COL11A2: variants seen among roughly 807,000 people sequenced by gnomAD.
COL11A2 encodes collagen alpha-2(XI) chain.
Under a neutral mutation model 273.4 loss-of-function variants are expected in COL11A2, and 116 were observed. The observed-to-expected ratio is 0.42, with a 90% CI of 0.36 to 0.49. COL11A2 has a LOEUF of 0.49. Ranked by LOEUF, COL11A2 falls within the 20% of genes least tolerant of loss-of-function variation. The pLI is 0.00. For synonymous variants in COL11A2, 782 were observed against 864.2 expected (o/e 0.90, Z 1.67); for missense variants, 1,866 against 2,309.0 (o/e 0.81, Z 3.93).
chr6:33,172,772 C>T (rs913970547), intron 38 of COL11A2, 135 bp from the exon 39 acceptor site: 24 of 858,748 alleles, frequency 2.8e-5, no homozygotes, highest in Admixed American at 6.1e-5. Context: ...GGAAATTCCC[C>T]GGCATTCCTG....
rs201981435 is a variant in COL11A2, at chr6:33,180,965, G to T, written c.1220C>A (p.Ala407Glu). ...VEGPPGPEGP[A>E]GLIGPPGIQG... ...CCACCAGGTCACTGCTAGACTTACC[G>T]CAGGGCCTTCTGGGCCAGGGGGCCC... The change falls in exon 10 of 66, where the codon GCG becomes GAG. Residue 407 changes from alanine (A) to glutamate (E), a missense_variant and splice_region_variant. Physicochemically the swap from Ala to Glu is moderately radical, Grantham distance 107. Coordinates refer to ENST00000341947, the MANE Select transcript of COL11A2 (RefSeq NM_080680.3). 2 of 1,613,966 alleles carry T rather than the reference G, an allele frequency of 1.2e-6. No individual in the cohort carries two copies. The highest frequency in any genetic ancestry group is 8.5e-7 in the Non-Finnish European group (1 of 1,179,940).
At chr6:33,183,307 A>G (rs1771958079) in intron 8 of COL11A2, among the ~76,000 whole-genome samples, 1 of 152,196 alleles carries the variant, frequency 6.6e-6, no homozygotes, top group Non-Finnish European at 1.5e-5. Context: ...GACAGGAAGC[A>G]GTGAAGGAAA....
intron 29 of COL11A2, 125 bp downstream of exon 29, chr6:33,175,891 C>G: frequency 7.7e-7 from 1 of 1,297,472 alleles, no homozygotes; most frequent in African/African-American, 1.5e-5. Context: ...GGTCAGGCTC[C>G]CAAGGGAACA....
In COL11A2 at chr6:33,188,283, T is replaced by C. The variant is rs541089432; in HGVS notation, c.606+79A>G. 1.3e-5 allele frequency: 20 copies of C among 1,533,352 alleles called. No individual in the cohort carries two copies. The African/African-American group carries it at 2.3e-4, about 18-fold the overall frequency. The allele number at this position is 1,533,352 out of a possible 1,614,324, so 95.0% of individuals were successfully genotyped here. A position where few individuals can be genotyped will look rare whatever the true frequency, so the allele number is the denominator to read the frequency against. ...AATGAAGGCCTAGGGAATAGGAAGA[T>C]GACATGCTGGGGCCAGAAGGGTAGT... is the stretch of plus-strand genomic sequence containing the variant. On this transcript the variant is annotated intron_variant, in intron 4 of 65. Coordinates refer to ENST00000341947, the MANE Select transcript of COL11A2 (RefSeq NM_080680.3).
At position 33,177,266 on chromosome 6, in the gene COL11A2, T is replaced by C; in HGVS notation, c.1972-41A>G. ...GAGAAGTCACAGGGGCCTCCCAGGG[T>C]CTCTTCTATCCAGCCTCCCGGATTC... is the stretch of plus-strand genomic sequence containing the variant. On this transcript the variant is annotated intron_variant, in intron 23 of 65. Transcript: ENST00000341947. The surrounding 1 kb of genome is among the most constrained non-coding windows in gnomAD (Gnocchi z 5.9). The C allele has an allele frequency of 4.3e-6, 7 of 1,611,952 alleles. No homozygotes were observed. The African/African-American group carries it at 6.7e-5, about 15-fold the overall frequency.
chr6:33,180,176 C>T, intron 12 of COL11A2, 82 bp downstream of exon 12: 1 of 1,354,508 alleles, frequency 7.4e-7, no homozygotes, highest in Non-Finnish European at 1.1e-6. Flanking sequence ...CCATATCTTT[C>T]CTGCCCATCT....
In COL11A2 at chr6:33,171,827, A is replaced by G. The variant is rs747044893; in HGVS notation, c.3043-7T>C. The G allele has an allele frequency of 4.3e-6, 7 of 1,612,684 alleles. No homozygotes were observed. In the Admixed American group the frequency reaches 5.0e-5, roughly 12 times the overall value. On this transcript the variant is annotated splice_region_variant and splice_polypyrimidine_tract_variant and intron_variant, in intron 41 of 65. Coordinates refer to ENST00000341947, the MANE Select transcript of COL11A2 (RefSeq NM_080680.3). ...CTCGTTCCCCAGGGGAGCCCTGAGA[A>G]AGCAGATGGTCAGACCCCCAGGAAG...
Position 33,164,951 on chromosome 6 carries a change from G to C in COL11A2, c.4764C>G (p.Val1588=). The part of the protein sequence containing the change: ...HPELPDGEYW[V]DPNQGCARDA... The stretch of plus-strand genomic sequence containing the variant: ...CCCGAGCACAGCCCTGGTTGGGGTC[G>C]ACCCAGTACTCTCCTGTTGGGTGAG... Residue 1588 remains valine, a synonymous_variant, in exon 64 of 66, where the codon GTC becomes GTG. Transcript: ENST00000341947. This position sits in a 1 kb window ranked among gnomAD's most constrained non-coding sequence, Gnocchi z 4.7. 1 of 1,574,992 alleles carries C rather than the reference G, an allele frequency of 6.3e-7. No individual in the cohort carries two copies. The highest frequency in any genetic ancestry group is 2.3e-5 in the East Asian group (1 of 43,204).
Position 33,165,968 on chromosome 6 carries a change from T to C in COL11A2, c.4445A>G (p.Lys1482Arg). The change falls in exon 62 of 66, where the codon AAG becomes AGG. Residue 1482 changes from lysine to arginine, a missense_variant. Coordinates refer to ENST00000341947, the MANE Select transcript of COL11A2 (RefSeq NM_080680.3). The surrounding 1 kb of genome is among the most constrained non-coding windows in gnomAD (Gnocchi z 7.7). ...AKGATGPGGP[K>R]GEKGVQGPPG... Reference sequence around the variant, plus strand: ...AGGGCCCTGCACACCCTTCTCTCCCTTGGGTCCGCCTGGGCCCTGACAAGG... The same window carrying C: ...AGGGCCCTGCACACCCTTCTCTCCCCTGGGTCCGCCTGGGCCCTGACAAGG... The C allele has an allele frequency of 6.2e-7, 1 of 1,614,036 alleles. No homozygotes were observed. The highest frequency in any genetic ancestry group is 1.1e-5 in the South Asian group (1 of 91,086).
chr6:33,178,907 C>T lies in COL11A2; in HGVS notation c.1665+13G>A, dbSNP rs1371321049. On this transcript the variant is annotated intron_variant, in intron 17 of 65. Transcript: ENST00000341947. The surrounding 1 kb of genome is among the most constrained non-coding windows in gnomAD (Gnocchi z 4.6). Reference sequence around the variant, plus strand: ...AAGGCTACAGGCTTCAGGGAGGGGCCCAAGCCTGTTACCTTCACTCCAGGA... The same window carrying T: ...AAGGCTACAGGCTTCAGGGAGGGGCTCAAGCCTGTTACCTTCACTCCAGGA... The T allele has an allele frequency of 3.1e-6, 5 of 1,613,680 alleles. No individual in the cohort carries two copies. The highest frequency in any genetic ancestry group is 4.2e-6 in the Non-Finnish European group (5 of 1,179,948).
At chr6:33,183,783 TAGAG>T (rs1219569361) in intron 8 of COL11A2, among the ~76,000 whole-genome samples, 3 of 151,942 alleles carry the variant, frequency 2.0e-5, no homozygotes, top group Non-Finnish European at 4.4e-5. Flanking sequence ...GAAGAAATGA[TAGAG>T]AAACACTGAA....
chr6:33,191,273 T>G (rs952607872), intron 1 of COL11A2, among the ~76,000 whole-genome samples: 1 of 152,208 alleles, frequency 6.6e-6, no homozygotes, highest in Non-Finnish European at 1.5e-5. Flanking sequence ...GTGCTGCCAT[T>G]CTGACCATTT....
Position 33,190,067 on chromosome 6 carries a change from G to A in COL11A2, c.83-598C>T, listed in dbSNP as rs766810957. ...AGATCAGAGAAGCAGCTCTATGAGA[G>A]GGGCTTCAAGCAGCTACAGATCCCA... On this transcript the variant is annotated intron_variant, in intron 1 of 65. Transcript: ENST00000341947. The surrounding 1 kb of genome is among the most constrained non-coding windows in gnomAD (Gnocchi z 4.5). Among the ~76,000 whole-genome samples the A allele has an allele frequency of 1.3e-5, 2 of 149,808 alleles. No homozygotes were observed. Among genetic ancestry groups the A allele is most frequent in the African/African-American group, 4.9e-5 (2 of 40,810 alleles).
At chr6:33,185,525 C>A (rs1772297444) in intron 6 of COL11A2, among the ~76,000 whole-genome samples, 176 bp downstream of exon 6, 1 of 151,968 alleles carries the variant, frequency 6.6e-6, no homozygotes. Context: ...GTGGTGGGGG[C>A]TCCCAGGGCG....
In COL11A2 at chr6:33,169,800, TG is replaced by T; in HGVS notation, c.3690+30del. 6.2e-7 allele frequency: 1 copy of T among 1,613,824 alleles called. No homozygotes were observed. The highest frequency in any genetic ancestry group is 8.5e-7 in the Non-Finnish European group (1 of 1,179,778). ...CAGGGTTGAGGCGGGTGACGGGGAC[TG>T]GGGAGTAAGGCCTTGGAGCTGTCAC... On this transcript the variant is annotated intron_variant, in intron 50 of 65. Coordinates refer to ENST00000341947, the MANE Select transcript of COL11A2 (RefSeq NM_080680.3). The surrounding 1 kb of genome is among the most constrained non-coding windows in gnomAD (Gnocchi z 5.5).
chr6:33,189,278 C>T lies in COL11A2; in HGVS notation c.232+42G>A. ...CTGGTGTCTGATCCTAGGCCCCATC[C>T]CATTACCTCCCCCCAGGCCTACCCC... is the stretch of plus-strand genomic sequence containing the variant. On this transcript the variant is annotated intron_variant, in intron 2 of 65. Coordinates refer to ENST00000341947, the MANE Select transcript of COL11A2 (RefSeq NM_080680.3). The surrounding 1 kb of genome is among the most constrained non-coding windows in gnomAD (Gnocchi z 5.6). The T allele has an allele frequency of 1.2e-6, 2 of 1,614,050 alleles. No homozygotes were observed. The highest frequency in any genetic ancestry group is 1.7e-6 in the Non-Finnish European group (2 of 1,179,984).
In COL11A2 at chr6:33,167,597, G is replaced by A; in HGVS notation, c.4015-64C>T. The A allele has an allele frequency of 6.3e-7, 1 of 1,583,310 alleles. No individual in the cohort carries two copies. Among genetic ancestry groups the A allele is most frequent in the East Asian group, 2.3e-5 (1 of 44,098 alleles). ...GAGTGGGGTGTGGGCAGGGGGCAGA[G>A]GGTCCAAGGTGGGAGGCAGGAGGCA... On this transcript the variant is annotated intron_variant, in intron 55 of 65. Coordinates refer to ENST00000341947, the MANE Select transcript of COL11A2 (RefSeq NM_080680.3). This position sits in a 1 kb window ranked among gnomAD's most constrained non-coding sequence, Gnocchi z 6.1.
chr6:33,163,737 G>T lies in COL11A2; in HGVS notation c.5152C>A (p.Leu1718Met), dbSNP rs1413052565. The change falls in exon 66 of 66, where the codon CTG becomes ATG. Residue 1718 changes from leucine (L) to methionine (M), a missense_variant. Physicochemically the swap from Leu to Met is conservative, Grantham distance 15. Transcript: ENST00000341947. This position sits in a 1 kb window ranked among gnomAD's most constrained non-coding sequence, Gnocchi z 4.1. ...CCTCCCCGCCTCGGTGGGGCTCCCA[G>T]GTCTGAGAAGGAGGCATCCAGCACT... ...LPVLDASFSD[L>M]GAPPRRGGVL... The T allele has an allele frequency of 6.2e-7, 1 of 1,612,970 alleles. No individual in the cohort carries two copies. Among genetic ancestry groups the T allele is most frequent in the Non-Finnish European group, 8.5e-7 (1 of 1,180,036 alleles).
Position 33,170,147 on chromosome 6 carries a change from C to A in COL11A2, c.3583-47G>T, listed in dbSNP as rs759017848. 3 of 1,612,038 alleles carry A rather than the reference C, an allele frequency of 1.9e-6. No individual in the cohort carries two copies. The South Asian group carries it at 3.3e-5, about 18-fold the overall frequency. On this transcript the variant is annotated intron_variant, in intron 48 of 65. Transcript: ENST00000341947. This position sits in a 1 kb window ranked among gnomAD's most constrained non-coding sequence, Gnocchi z 4.3. Reference sequence around the variant, plus strand: ...GTGTCATTGCTTAGGATGGAGGTGCCATTTCAGGGGCAAAGTCCCAGATGA... The same window carrying A: ...GTGTCATTGCTTAGGATGGAGGTGCAATTTCAGGGGCAAAGTCCCAGATGA...
Sources: gnomAD v4.1 joint callset for allele counts (sites outside exome capture counted in the v4.1 genomes callset) on GRCh38, gnomAD v4.1.1 for gene constraint, Gnocchi (gnomAD v3.1) non-coding constraint, MANE v1.5 for transcripts, NCBI Gene and HGNC (gene_info 2026-07-23, HGNC 2026-07-21) for gene names.